Variants in EXOC6B observed in about 807,000 individuals in gnomAD.
EXOC6B encodes exocyst complex component 6B, also known as SEC15 homolog B.
Under a neutral mutation model 113.5 loss-of-function variants are expected in EXOC6B, and 54 were observed. The ratio of observed to expected loss-of-function variants is 0.48; its 90% confidence interval spans 0.38 to 0.60. The LOEUF (loss-of-function observed/expected upper bound fraction) is 0.60. EXOC6B is among the 20% of genes least tolerant of loss of function. The pLI is 0.00. For synonymous variants in EXOC6B, 357 were observed against 339.0 expected (o/e 1.05, Z -0.58); for missense variants, 797 against 977.5 (o/e 0.82, Z 2.46).
At chr2:72,770,038 T>C (rs1373914475) in intron 1 of EXOC6B, among the ~76,000 whole-genome samples, 1 of 152,100 alleles carries the variant, frequency 6.6e-6, no homozygotes, top group Non-Finnish European at 1.5e-5. Context: ...GAGCTAAAAT[T>C]TGAATATACA....
intron 6 of EXOC6B, among the ~76,000 whole-genome samples, chr2:72,672,068 C>T (rs372916063): frequency 7.9e-5 from 12 of 151,864 alleles, no homozygotes; most frequent in African/African-American, 2.7e-4. Flanking sequence ...ATATGGAGGA[C>T]GGGGTACCCT....
intron 15 of EXOC6B, among the ~76,000 whole-genome samples, chr2:72,493,330 C>CTT (rs1366799028): frequency 2.9e-5 from 4 of 137,912 alleles, no homozygotes; most frequent in East Asian, 2.0e-4. Context: ...CCCCCCCCCC[C>CTT]CCCCGCATTT....
At chr2:72,341,571 A>T (rs570239426) in intron 19 of EXOC6B, among the ~76,000 whole-genome samples, 1 of 152,292 alleles carries the variant, frequency 6.6e-6, no homozygotes, top group Admixed American at 6.5e-5. Flanking sequence ...GAGGATATGG[A>T]CCTAACATTG....
At chr2:72,679,125 G>A (rs1055177928) in intron 6 of EXOC6B, among the ~76,000 whole-genome samples, 2 of 151,826 alleles carry the variant, frequency 1.3e-5, no homozygotes, top group African/African-American at 4.8e-5. Context: ...GGATAGTAAT[G>A]GCGTGATCTC....
intron 6 of EXOC6B, among the ~76,000 whole-genome samples, chr2:72,644,988 A>C (rs1219365953): frequency 6.6e-6 from 1 of 152,176 alleles, no homozygotes; most frequent in East Asian, 1.9e-4. Flanking sequence ...AAAGACACAG[A>C]CTGGCAAATT....
At chr2:72,734,849 G>A (rs368290515) in intron 2 of EXOC6B, among the ~76,000 whole-genome samples, 88 of 152,278 alleles carry the variant, frequency 5.8e-4, no homozygotes, top group African/African-American at 2.0e-3. Context: ...GCCATTTTTA[G>A]CCAAGAAAGG....
chr2:72,767,811 A>T (rs1284352247), intron 1 of EXOC6B, among the ~76,000 whole-genome samples: 1 of 119,592 alleles, frequency 8.4e-6, no homozygotes, highest in Admixed American at 8.3e-5. Flanking sequence ...ACCTTGTTAA[A>T]AAAAAAAAAA....
intron 6 of EXOC6B, among the ~76,000 whole-genome samples, chr2:72,643,765 T>TA (rs937985038): frequency 5.0e-5 from 7 of 140,174 alleles, no homozygotes; most frequent in East Asian, 2.0e-4. Context: ...AAGTATAATT[T>TA]AAAAAAAATA....
chr2:72,549,429 G>T (rs1212525454), intron 8 of EXOC6B, among the ~76,000 whole-genome samples: 1 of 152,120 alleles, frequency 6.6e-6, no homozygotes, highest in African/African-American at 2.4e-5. Flanking sequence ...AGATGAGATG[G>T]AGTAAAACTG....
chr2:72,297,458 T>C (rs1418630486), intron 20 of EXOC6B, among the ~76,000 whole-genome samples: 1 of 152,132 alleles, frequency 6.6e-6, no homozygotes, highest in Non-Finnish European at 1.5e-5. Flanking sequence ...AGCTCCCACT[T>C]ATATATGAGA....
At chr2:72,608,527 C>A (rs535781174) in intron 6 of EXOC6B, among the ~76,000 whole-genome samples, 27 of 152,208 alleles carry the variant, frequency 1.8e-4, no homozygotes, top group African/African-American at 5.8e-4. Context: ...CAAATATGCA[C>A]ACAATCATTA....
intron 6 of EXOC6B, among the ~76,000 whole-genome samples, chr2:72,596,549 C>G (rs12104859): frequency 1.8e-4 from 27 of 152,026 alleles, no homozygotes; most frequent in African/African-American, 6.3e-4. Context: ...TCCCTCTAGT[C>G]TTCCTTTCTT....
intron 19 of EXOC6B, among the ~76,000 whole-genome samples, chr2:72,357,349 T>C (rs185460877): frequency 1.3e-5 from 2 of 152,292 alleles, no homozygotes; most frequent in African/African-American, 4.8e-5. Flanking sequence ...TGTATAATGA[T>C]GTTTTAGTCA....
intron 17 of EXOC6B, among the ~76,000 whole-genome samples, chr2:72,476,305 C>G (rs1182467619): frequency 6.6e-6 from 1 of 152,164 alleles, no homozygotes; most frequent in Non-Finnish European, 1.5e-5. Context: ...TAATTTCCTT[C>G]CCCTTCCTTG....
At chr2:72,480,005 C>T (rs927544793) in intron 17 of EXOC6B, among the ~76,000 whole-genome samples, 3 of 151,052 alleles carry the variant, frequency 2.0e-5, no homozygotes, top group African/African-American at 2.4e-5. Context: ...GAATTCGAGA[C>T]CAGCCTGGGC....
intron 18 of EXOC6B, among the ~76,000 whole-genome samples, chr2:72,404,434 G>T (rs563633551): frequency 6.6e-6 from 1 of 152,348 alleles, no homozygotes; most frequent in African/African-American, 2.4e-5. Flanking sequence ...CTGACCCCGA[G>T]TAGCCTAACT....
intron 11 of EXOC6B, among the ~76,000 whole-genome samples, chr2:72,500,546 A>C (rs1479354049): frequency 6.6e-6 from 1 of 152,160 alleles, no homozygotes; most frequent in African/African-American, 2.4e-5. Context: ...AATAAAATCA[A>C]TTAAATAAAC....
chr2:72,234,793 A>G (rs956339711), intron 20 of EXOC6B, among the ~76,000 whole-genome samples: 1 of 152,244 alleles, frequency 6.6e-6, no homozygotes, highest in Non-Finnish European at 1.5e-5. Context: ...GCCAACAAGC[A>G]TACAGAAACA....
chr2:72,604,288 A>T (rs1670617022), intron 6 of EXOC6B, among the ~76,000 whole-genome samples: 1 of 152,208 alleles, frequency 6.6e-6, no homozygotes, highest in Admixed American at 6.6e-5. Context: ...TTAAATAAAA[A>T]AACCCTGTGA....
Sources: gnomAD v4.1 joint callset for allele counts (sites outside exome capture counted in the v4.1 genomes callset) on GRCh38, gnomAD v4.1.1 for gene constraint, MANE v1.5 for transcripts, NCBI Gene and HGNC (gene_info 2026-07-23, HGNC 2026-07-21) for gene names.